The following PWWP3B variants were observed in gnomAD, a reference collection of about 807,000 sequenced individuals.
PWWP3B encodes the protein PWWP domain containing 3B.
Under a neutral mutation model 15.7 loss-of-function variants are expected in PWWP3B, and 5 were observed. The observed-to-expected ratio is 0.32, with a 90% CI of 0.17 to 0.67. The LOEUF (loss-of-function observed/expected upper bound fraction) is 0.67. PWWP3B is among the 30% of genes least tolerant of loss of function. The probability of loss-of-function intolerance (pLI) is 0.74; values close to 1 mark genes in which losing one functional copy is unlikely to be tolerated. For synonymous variants in PWWP3B, 203 were observed against 179.8 expected (o/e 1.13, Z -1.03); for missense variants, 519 against 493.1 (o/e 1.05, Z -0.50).
intron 2 of PWWP3B, among the ~76,000 whole-genome samples, chrX:106,201,026 C>T (rs1321681547): frequency 2.6e-4 from 27 of 104,333 alleles, no homozygotes; most frequent in South Asian, 1.7e-3. Flanking sequence ...CCAGCCTGGG[C>T]GACAGAGTAA....
At chrX:106,195,690 C>A (rs1342660649) in intron 2 of PWWP3B, among the ~76,000 whole-genome samples, 2 of 111,825 alleles carry the variant, frequency 1.8e-5, no homozygotes, top group African/African-American at 6.5e-5. Flanking sequence ...AAGAAACTGT[C>A]TTAATTACCA....
intron 2 of PWWP3B, among the ~76,000 whole-genome samples, chrX:106,184,534 C>G (rs1922390771): frequency 1.8e-5 from 2 of 111,524 alleles, no homozygotes; most frequent in African/African-American, 6.5e-5. Context: ...GGCTTGCTGA[C>G]CAGTAGGGAA....
chrX:106,171,365 T>C (rs1177929517), intron 2 of PWWP3B, among the ~76,000 whole-genome samples: 1 of 111,785 alleles, frequency 8.9e-6, no homozygotes, highest in Non-Finnish European at 1.9e-5. Flanking sequence ...ACTTCTAGTT[T>C]TTGGAAAGAA....
rs1218589426 is a variant in PWWP3B at position 106,175,236 on chromosome X, CT to C, written c.-401+4119del. Among the ~76,000 whole-genome samples, 232 of 73,136 alleles carry C rather than the reference CT, an allele frequency of 3.2e-3. 1 individual carries two copies. Among genetic ancestry groups the C allele is most frequent in the East Asian group, 0.011 (26 of 2,367 alleles). The allele number at this position is 73,136 out of a possible 115,157, so 63.5% of individuals were successfully genotyped here. A position where few individuals can be genotyped will look rare whatever the true frequency, so the allele number is the denominator to read the frequency against. ...AGCAACACTCACGCTGGGGTTATTTCTTTTTTTTTTTTTTTTTTTTTTGAGA... is the reference window on the plus strand; with the variant it reads ...AGCAACACTCACGCTGGGGTTATTTCTTTTTTTTTTTTTTTTTTTTTGAGA... On this transcript the variant is annotated intron_variant, in intron 2 of 3. Transcript: ENST00000357175.
At position 106,207,347 on chromosome X, in the gene PWWP3B, G is replaced by A. The variant is rs1310924921; in HGVS notation, c.1915G>A (p.Val639Ile). 2.5e-6 allele frequency: 3 copies of A among 1,190,912 alleles called. No homozygotes were observed. Among genetic ancestry groups the A allele is most frequent in the Non-Finnish European group, 3.4e-6 (3 of 884,844 alleles). ...KDDKIKFILE[V>I]LLPEAIICSI... ...TGATAAAATTAAATTTATCCTAGAA[G>A]TTCTTCTGCCAGAAGCAATTATTTG... The change falls in exon 4 of 4, where the codon GTT (valine) becomes ATT (isoleucine). Residue 639 changes from valine (V) to isoleucine (I), a missense_variant. Val to Ile is a conservative substitution (Grantham distance 29, BLOSUM62 3). Transcript: ENST00000357175.
chrX:106,183,062 G>A (rs1396274151), intron 2 of PWWP3B, among the ~76,000 whole-genome samples: 3 of 110,747 alleles, frequency 2.7e-5, no homozygotes, highest in Non-Finnish European at 3.8e-5. Flanking sequence ...AGTTTAACTC[G>A]GGTGTGGTGA....
At chrX:106,186,595 G>A (rs761136634) in intron 2 of PWWP3B, among the ~76,000 whole-genome samples, 4 of 111,142 alleles carry the variant, frequency 3.6e-5, no homozygotes, top group African/African-American at 1.3e-4. Flanking sequence ...CTTCTGGTGG[G>A]TTCCTGGTCT....
chrX:106,189,718 C>T (rs1292053854), intron 2 of PWWP3B, among the ~76,000 whole-genome samples: 8 of 106,208 alleles, frequency 7.5e-5, no homozygotes, highest in African/African-American at 2.1e-4. Context: ...CCCGGGTTCA[C>T]GCCATTCTCC....
Position 106,207,683 on chromosome X carries a change from C to A in PWWP3B, c.*160C>A. On this transcript the variant is annotated 3_prime_UTR_variant, in exon 4 of 4. Coordinates refer to ENST00000357175, the MANE Select transcript of PWWP3B (RefSeq NM_001171020.2). ...CTAGGATCTGTGGTTATAATTACAT[C>A]TTTATTTCCTTTTCTTGCGCTTCTT... The A allele has an allele frequency of 2.3e-6, 1 of 430,222 alleles. No homozygotes were observed. The highest frequency in any genetic ancestry group is 3.7e-6 in the Non-Finnish European group (1 of 272,388). 35.5% of individuals were successfully genotyped at this position (430,222 alleles called of 1,213,427 possible). A position where few individuals can be genotyped will look rare whatever the true frequency, so the allele number is the denominator to read the frequency against.
chrX:106,204,657 G>T (rs899768060), intron 3 of PWWP3B, among the ~76,000 whole-genome samples: 25 of 112,257 alleles, frequency 2.2e-4, no homozygotes, highest in African/African-American at 6.5e-4. Flanking sequence ...AGCACTTGCA[G>T]CTTAAAAAAT....
chrX:106,169,270 G>C lies in PWWP3B; in HGVS notation c.-529+845G>C, dbSNP rs150826926. Among the ~76,000 whole-genome samples the C allele has an allele frequency of 4.9e-3, 540 of 111,329 alleles. 1 individual carries two copies. The highest frequency in any genetic ancestry group is 0.017 in the African/African-American group (515 of 30,714). ...GTAAACTCATATATAAACAGGGAAA[G>C]GTGTTCAAATATGTGGCTAAATAAA... On this transcript the variant is annotated intron_variant, in intron 1 of 3. Transcript: ENST00000357175.
intron 2 of PWWP3B, among the ~76,000 whole-genome samples, chrX:106,181,953 G>A (rs763738169): frequency 3.2e-4 from 36 of 112,250 alleles, no homozygotes; most frequent in African/African-American, 1.0e-3. Context: ...AAGCCATGTC[G>A]CCCAACTCCA....
At chrX:106,197,271 G>T in intron 2 of PWWP3B, among the ~76,000 whole-genome samples, 1 of 111,811 alleles carries the variant, frequency 8.9e-6, no homozygotes, top group Non-Finnish European at 1.9e-5. Flanking sequence ...CAGGGCAGAG[G>T]TTTTTCCCTT....
At position 106,206,955 on chromosome X, in the gene PWWP3B, A is replaced by G; in HGVS notation, c.1523A>G (p.Asp508Gly). 1 of 1,211,570 alleles carries G rather than the reference A, an allele frequency of 8.3e-7. No homozygotes were observed. The change falls in exon 4 of 4, where the codon GAT (aspartate) becomes GGT (glycine). Residue 508 changes from aspartate (D) to glycine (G), a missense_variant. Physicochemically the swap from Asp to Gly is moderately conservative, Grantham distance 94. Transcript: ENST00000357175. ...SYPVRKETKQ[D>G]TFRNKFPKLH... ...CCAGTTAGGAAAGAAACAAAACAGG[A>G]TACTTTCAGGAACAAATTTCCAAAG...
intron 2 of PWWP3B, among the ~76,000 whole-genome samples, chrX:106,183,327 C>T (rs1922318693): frequency 8.9e-6 from 1 of 111,782 alleles, no homozygotes; most frequent in African/African-American, 3.3e-5. Context: ...AAATGTCTAA[C>T]AATATCCTGT....
rs776503123 is a variant in PWWP3B at position 106,206,383 on chromosome X, C to T, written c.951C>T (p.Cys317=). Residue 317 remains cysteine (C), a synonymous_variant, in exon 4 of 4, where the codon TGC becomes TGT. Transcript: ENST00000357175. ...GCCCTGGGAGTTGTTCAAGGGAATG[C>T]GAGGTTTCATTTAGTGCCTCTAACC... The part of the protein sequence containing the change: ...AACPGSCSRE[C]EVSFSASNPV... The T allele has an allele frequency of 4.5e-5, 54 of 1,204,667 alleles. No individual in the cohort carries two copies. In the East Asian group the frequency reaches 5.3e-4, roughly 12 times the overall value.
chrX:106,195,310 G>C (rs1923308361), intron 2 of PWWP3B, among the ~76,000 whole-genome samples: 1 of 110,651 alleles, frequency 9.0e-6, no homozygotes, highest in Non-Finnish European at 1.9e-5. Context: ...TCCCAATCTG[G>C]GTTTTCTTTT....
intron 2 of PWWP3B, among the ~76,000 whole-genome samples, chrX:106,193,459 A>G (rs1923143531): frequency 9.0e-6 from 1 of 111,672 alleles, no homozygotes; most frequent in Non-Finnish European, 1.9e-5. Flanking sequence ...GGCTTCCTGA[A>G]TACAGCACAC....
At chrX:106,197,410 G>T (rs1364823513) in intron 2 of PWWP3B, among the ~76,000 whole-genome samples, 1 of 111,464 alleles carries the variant, frequency 9.0e-6, no homozygotes, top group African/African-American at 3.3e-5. Context: ...TTTTGCCTGG[G>T]TTCAGGAGAG....
Sources: gnomAD v4.1 joint callset for allele counts (sites outside exome capture counted in the v4.1 genomes callset) on GRCh38, gnomAD v4.1.1 for gene constraint, MANE v1.5 for transcripts, NCBI Gene and HGNC (gene_info 2026-07-23, HGNC 2026-07-21) for gene names.